Variants in GNA12 observed in about 807,000 individuals in gnomAD.
GNA12 encodes guanine nucleotide-binding protein subunit alpha-12.
Under a neutral mutation model 26.0 loss-of-function variants are expected in GNA12, and 9 were observed. The observed-to-expected ratio is 0.35, with a 90% CI of 0.21 to 0.60. GNA12 has a LOEUF of 0.60. Ranked by LOEUF, GNA12 falls within the 20% of genes least tolerant of loss-of-function variation. GNA12 has a pLI of 0.78. For synonymous variants in GNA12, 264 were observed against 219.6 expected (o/e 1.20, Z -1.79); for missense variants, 405 against 525.8 (o/e 0.77, Z 2.25).
chr7:2,795,297 G>A (rs1270200909), intron 1 of GNA12, among the ~76,000 whole-genome samples, 154 bp from the exon 2 acceptor site: 1 of 152,184 alleles, frequency 6.6e-6, no homozygotes, highest in East Asian at 1.9e-4. Context: ...TGTTTGTTGT[G>A]ATGTGGAAAG....
intron 1 of GNA12, among the ~76,000 whole-genome samples, chr7:2,828,287 A>T (rs1232934552): frequency 6.6e-6 from 1 of 152,176 alleles, no homozygotes; most frequent in Non-Finnish European, 1.5e-5. Flanking sequence ...ATTCCTAAGG[A>T]TTTGTACTAT....
In GNA12 at chr7:2,729,853, C is replaced by G. The variant is rs971607471; in HGVS notation, c.*1328G>C. On this transcript the variant is annotated 3_prime_UTR_variant, in exon 4 of 4. Transcript: ENST00000275364. ...CTTGGAATGCAATGTATTTTAAACA[C>G]AGTGAAAGCCACCTGGCAGGTAGCT... 1 of 152,428 alleles carries G rather than the reference C, an allele frequency of 6.6e-6. No individual in the cohort carries two copies. Among genetic ancestry groups the G allele is most frequent in the African/African-American group, 2.4e-5 (1 of 41,454 alleles). 9.4% of individuals were successfully genotyped at this position (152,428 alleles called of 1,614,324 possible). A position where few individuals can be genotyped will look rare whatever the true frequency, so the allele number is the denominator to read the frequency against.
At chr7:2,818,388 G>A (rs1457444122) in intron 1 of GNA12, among the ~76,000 whole-genome samples, 1 of 152,192 alleles carries the variant, frequency 6.6e-6, no homozygotes, top group Admixed American at 6.5e-5. Context: ...TCCCCCTGGG[G>A]AGCATAGTCT....
At chr7:2,805,838 T>G (rs553700435) in intron 1 of GNA12, among the ~76,000 whole-genome samples, 9 of 152,312 alleles carry the variant, frequency 5.9e-5, no homozygotes, top group Non-Finnish European at 1.2e-4. Flanking sequence ...TACGCTATCT[T>G]GGCAGCCCAG....
In GNA12 at chr7:2,751,117, G is replaced by A. The variant is rs142554449; in HGVS notation, c.526-17616C>T. Among the ~76,000 whole-genome samples, 176 of 152,254 alleles carry A rather than the reference G, an allele frequency of 1.2e-3. 2 individuals are homozygous for A. The East Asian group carries it at 0.031, about 26-fold the overall frequency. ...CATGCTTATATTAGGGCCGGGCCCG[G>A]GGGCACACACTTGTAACCCCAGCAC... On this transcript the variant is annotated intron_variant, in intron 2 of 3. Coordinates refer to ENST00000275364, the MANE Select transcript of GNA12 (RefSeq NM_007353.3).
At chr7:2,745,168 A>C (rs534875087) in intron 2 of GNA12, among the ~76,000 whole-genome samples, 26 of 152,328 alleles carry the variant, frequency 1.7e-4, no homozygotes, top group African/African-American at 6.3e-4. Context: ...AATACAGAGA[A>C]CACCACAAAG....
At chr7:2,789,130 A>ATATTTTTTT (rs1583283001) in intron 2 of GNA12, among the ~76,000 whole-genome samples, 2 of 74,168 alleles carry the variant, frequency 2.7e-5, no homozygotes, top group East Asian at 3.4e-4. Flanking sequence ...CCCTTCAGGC[A>ATATTTTTTT]TCTTTTTTTT....
At chr7:2,754,812 A>G (rs559331632) in intron 2 of GNA12, among the ~76,000 whole-genome samples, 1 of 152,324 alleles carries the variant, frequency 6.6e-6, no homozygotes, top group South Asian at 2.1e-4. Context: ...ACCGTTTCTC[A>G]AAATTTGATT....
chr7:2,731,028 T>A lies in GNA12; in HGVS notation c.*153A>T. On this transcript the variant is annotated 3_prime_UTR_variant, in exon 4 of 4. Coordinates refer to ENST00000275364, the MANE Select transcript of GNA12 (RefSeq NM_007353.3). This position sits in a 1 kb window ranked among gnomAD's most constrained non-coding sequence, Gnocchi z 6.0. ...CCATGTCCTTTTGCCTAGAGCTCGC[T>A]GGCTGGCTGGTCTGACAGCATTCCT... The A allele has an allele frequency of 1.7e-6, 1 of 574,886 alleles. No individual in the cohort carries two copies. The highest frequency in any genetic ancestry group is 3.0e-5 in the Admixed American group (1 of 33,552). The allele number at this position is 574,886 out of a possible 1,614,324, so 35.6% of individuals were successfully genotyped here.
intron 1 of GNA12, chr7:2,815,178 G>A: frequency 2.0e-6 from 1 of 496,234 alleles, no homozygotes; most frequent in South Asian, 2.2e-5. Context: ...ACATCGGCGA[G>A]GTGCCTGCGG....
chr7:2,808,676 C>A (rs996133887), intron 1 of GNA12, among the ~76,000 whole-genome samples: 1 of 152,212 alleles, frequency 6.6e-6, no homozygotes, highest in Non-Finnish European at 1.5e-5. Flanking sequence ...TCCTGCTGCT[C>A]CCATGGCTCT....
intron 2 of GNA12, among the ~76,000 whole-genome samples, chr7:2,786,572 T>C (rs1268399820): frequency 1.3e-5 from 2 of 152,200 alleles, no homozygotes; most frequent in African/African-American, 4.8e-5. Flanking sequence ...TGTCTGTCTA[T>C]CTATGGAAGA....
At position 2,820,605 on chromosome 7, in the gene GNA12, C is replaced by T. The variant is rs1013911705; in HGVS notation, c.309+23248G>A. Among the ~76,000 whole-genome samples, 113 of 152,172 alleles carry T rather than the reference C, an allele frequency of 7.4e-4. 1 individual carries two copies. Among genetic ancestry groups the T allele is most frequent in the African/African-American group, 2.6e-3 (108 of 41,438 alleles). ...CCCAAGCGCTGTAAAGCACAGAGCA[C>T]GGAAGTGACACACAGTGTGGCAGCT... On this transcript the variant is annotated intron_variant, in intron 1 of 3. Coordinates refer to ENST00000275364, the MANE Select transcript of GNA12 (RefSeq NM_007353.3).
Position 2,844,219 on chromosome 7 carries a change from C to G in GNA12, c.-58G>C. 1.3e-5 allele frequency: 11 copies of G among 865,764 alleles called. No individual in the cohort carries two copies. The highest frequency in any genetic ancestry group is 1.5e-5 in the Non-Finnish European group (11 of 722,818). The allele number at this position is 865,764 out of a possible 1,614,324, so 53.6% of individuals were successfully genotyped here. A position where few individuals can be genotyped will look rare whatever the true frequency, so the allele number is the denominator to read the frequency against. ...GCCCGGGGGCCATGGACGCTCCCGC[C>G]GGCGAGGGCGAGCCCGGGCCGAGGC... is the stretch of plus-strand genomic sequence containing the variant. On this transcript the variant is annotated 5_prime_UTR_variant, in exon 1 of 4. Coordinates refer to ENST00000275364, the MANE Select transcript of GNA12 (RefSeq NM_007353.3).
intron 1 of GNA12, among the ~76,000 whole-genome samples, chr7:2,824,679 A>G (rs1793444091): frequency 6.6e-6 from 1 of 152,202 alleles, no homozygotes; most frequent in Non-Finnish European, 1.5e-5. Context: ...CCGACTTATT[A>G]AAAGCTGTGT....
chr7:2,787,328 G>C (rs190270974), intron 2 of GNA12, among the ~76,000 whole-genome samples: 178 of 152,252 alleles, frequency 1.2e-3, no homozygotes, highest in Admixed American at 2.1e-3. Context: ...TCCTATTTAA[G>C]TGTCAGTCAA....
chr7:2,789,033 G>A (rs1792438906), intron 2 of GNA12, among the ~76,000 whole-genome samples: 1 of 151,834 alleles, frequency 6.6e-6, no homozygotes, highest in Admixed American at 6.5e-5. Context: ...GTTGGCCAGG[G>A]TGGTCTTGAA....
chr7:2,750,721 C>A (rs534912959), intron 2 of GNA12, among the ~76,000 whole-genome samples: 2 of 152,220 alleles, frequency 1.3e-5, no homozygotes, highest in East Asian at 3.9e-4. Context: ...GGCATGTTAA[C>A]AGACACACAC....
intron 1 of GNA12, among the ~76,000 whole-genome samples, chr7:2,798,986 C>A (rs1792744629): frequency 6.6e-6 from 1 of 152,116 alleles, no homozygotes; most frequent in African/African-American, 2.4e-5. Context: ...GGGGAAGAAC[C>A]TTGACCTAAA....
Sources: allele counts gnomAD v4.1 joint callset (sites outside exome capture counted in the v4.1 genomes callset), GRCh38; gene constraint gnomAD v4.1.1; non-coding constraint Gnocchi (gnomAD v3.1); transcripts MANE v1.5; gene names NCBI Gene and HGNC (gene_info 2026-07-23, HGNC 2026-07-21).